Variants in HROB observed in about 807,000 individuals in gnomAD.
The protein encoded by HROB is homologous recombination factor with OB-fold, also known as homologous recombination OB-fold protein.
HROB carries 44 observed loss-of-function variants against 61.0 expected under a neutral mutation model. The observed-to-expected ratio is 0.72, with a 90% CI of 0.57 to 0.93. The LOEUF is 0.93. HROB is among the 40% of genes least tolerant of loss of function. The probability of loss-of-function intolerance (pLI) is 0.00; values close to 1 mark genes in which losing one functional copy is unlikely to be tolerated. For synonymous variants in HROB, 301 were observed against 310.4 expected, an observed-to-expected ratio of 0.97 and a Z score of 0.32; for missense variants, 716 against 796.2, an observed-to-expected ratio of 0.90 and a Z score of 1.21.
At chr17:44,151,836 GTTATTTTATT>G (rs879731423) in intron 4 of HROB, among the ~76,000 whole-genome samples, 35 of 148,078 alleles carry the variant, frequency 2.4e-4, no homozygotes, top group African/African-American at 5.8e-4. Context: ...GTTATTTTAT[GTTATTTTATT>G]TTATTTTATT....
intron 9 of HROB, among the ~76,000 whole-genome samples, chr17:44,161,643 A>G (rs968663434): frequency 1.3e-5 from 2 of 152,194 alleles, no homozygotes; most frequent in African/African-American, 4.8e-5. Context: ...AGAATGGCCC[A>G]GGGATTACGC....
intron 1 of HROB, among the ~76,000 whole-genome samples, chr17:44,142,736 A>G (rs930186910): frequency 6.6e-6 from 1 of 150,790 alleles, no homozygotes; most frequent in Non-Finnish European, 1.5e-5. Context: ...GGGGCATCCT[A>G]CTCTCCTGGG....
At chr17:44,150,104 G>A (rs918749394) in intron 3 of HROB, among the ~76,000 whole-genome samples, 1 of 152,194 alleles carries the variant, frequency 6.6e-6, no homozygotes, top group South Asian at 2.1e-4. Context: ...GGGCTGAAAA[G>A]GAGACAGCCC....
chr17:44,155,193 GAC>G, intron 7 of HROB, 91 bp from the exon 8 acceptor site: 1 of 1,555,176 alleles, frequency 6.4e-7, no homozygotes. Flanking sequence ...CTAGGCAGAG[GAC>G]ACCAAGTGAA....
intron 1 of HROB, among the ~76,000 whole-genome samples, chr17:44,144,741 C>CTT (rs5820524): frequency 1.6e-5 from 2 of 128,928 alleles, no homozygotes; most frequent in Admixed American, 7.7e-5. Flanking sequence ...ATACTTGGGT[C>CTT]TTTTTTTTTT....
chr17:44,144,521 C>G (rs1457696665), intron 1 of HROB, among the ~76,000 whole-genome samples: 1 of 152,020 alleles, frequency 6.6e-6, no homozygotes, highest in Non-Finnish European at 1.5e-5. Flanking sequence ...GGTGATTCAC[C>G]AGCTTTGGCC....
intron 7 of HROB, 84 bp downstream of exon 7, chr17:44,155,022 T>C: frequency 6.7e-7 from 1 of 1,483,478 alleles, no homozygotes; most frequent in East Asian, 2.4e-5. Flanking sequence ...TGCCTTCCTC[T>C]ACAACACCAG....
chr17:44,142,084 G>A lies in HROB; in HGVS notation c.-59G>A, dbSNP rs2143775866. The stretch of plus-strand genomic sequence containing the variant: ...CCTGGGTCGTGTCCAAGGCCCCGGC[G>A]ACTCCCCGGACTCGGGGTGCCGGGC... On this transcript the variant is annotated 5_prime_UTR_variant, in exon 1 of 10. Transcript: ENST00000585683. The A allele has an allele frequency of 6.5e-7, 1 of 1,530,148 alleles. No homozygotes were observed. Among genetic ancestry groups the A allele is most frequent in the Admixed American group, 2.0e-5 (1 of 50,676 alleles). The allele number at this position is 1,530,148 out of a possible 1,614,324, so 94.8% of individuals were successfully genotyped here.
Position 44,152,640 on chromosome 17 carries a change from G to A in HROB, c.1312G>A (p.Val438Ile). The change falls in exon 5 of 10, where the codon GTT becomes ATT. Residue 438 changes from valine to isoleucine, a missense_variant. By Grantham distance (29) the Val-to-Ile change is conservative. Coordinates refer to ENST00000585683, the MANE Select transcript of HROB (RefSeq NM_001171251.3). ...CCCCTCTGCTCTGTGGTACCAGATT[G>A]TTGCTAGTTCCCAGGCATCTGTGGA... is the stretch of plus-strand genomic sequence containing the variant. ...GALAKFQTEIVASSQASVEED... is the reference protein window; with the variant it reads ...GALAKFQTEIIASSQASVEED... 6.2e-7 allele frequency: 1 copy of A among 1,614,044 alleles called. No individual in the cohort carries two copies. Among genetic ancestry groups the A allele is most frequent in the Non-Finnish European group, 8.5e-7 (1 of 1,179,948 alleles).
rs1414909066 is a variant in HROB, at chr17:44,145,317, G to T, written c.54+64G>T. ...CTTAAAATGTAAACACTCAGGTTCAGAACATTTTGGATTAGCCTGTACCAG... is the reference window on the plus strand; with the variant it reads ...CTTAAAATGTAAACACTCAGGTTCATAACATTTTGGATTAGCCTGTACCAG... On this transcript the variant is annotated intron_variant, in intron 2 of 9. Transcript: ENST00000585683. 6.3e-6 allele frequency: 10 copies of T among 1,586,428 alleles called. 1 individual carries two copies. Among genetic ancestry groups the T allele is most frequent in the Middle Eastern group, 3.3e-4 (2 of 5,998 alleles).
Position 44,151,027 on chromosome 17 carries a change from G to A in HROB, c.1291G>A (p.Ala431Thr). ...APQTPTHGAL[A>T]KFQTEIVASS... is the part of the protein sequence containing the mutation. ...CCAAACTCCAACCCATGGTGCTCTG[G>A]CTAAATTCCAGACAGAGGTAACTTA... The change falls in exon 4 of 10, where the codon GCT becomes ACT. Residue 431 changes from alanine to threonine, a missense_variant. Ala to Thr is a moderately conservative substitution (Grantham distance 58). Coordinates refer to ENST00000585683, the MANE Select transcript of HROB (RefSeq NM_001171251.3). 6.2e-7 allele frequency: 1 copy of A among 1,612,728 alleles called. No homozygotes were observed. Among genetic ancestry groups the A allele is most frequent in the African/African-American group, 1.3e-5 (1 of 74,994 alleles).
rs2053923612 is a variant in HROB, at chr17:44,154,833, G to A, written c.1559-20G>A. On this transcript the variant is annotated intron_variant, in intron 6 of 9. Coordinates refer to ENST00000585683, the MANE Select transcript of HROB (RefSeq NM_001171251.3). ...TGCTGCCCTTGACCCCGAGACTGAT[G>A]GGCCATGTGGTATTTGCAGGAGAGA... 3 of 1,613,666 alleles carry A rather than the reference G, an allele frequency of 1.9e-6. No individual in the cohort carries two copies. The highest frequency in any genetic ancestry group is 4.5e-5 in the East Asian group (2 of 44,874).
chr17:44,143,763 G>A (rs2053529513), intron 1 of HROB, among the ~76,000 whole-genome samples: 2 of 152,104 alleles, frequency 1.3e-5, no homozygotes, highest in South Asian at 4.1e-4. Context: ...GCTGCAGTGA[G>A]CTATGATCTT....
At chr17:44,154,025 C>T (rs532681420) in intron 5 of HROB, among the ~76,000 whole-genome samples, 16 of 150,234 alleles carry the variant, frequency 1.1e-4, no homozygotes, top group African/African-American at 2.9e-4. Flanking sequence ...CCAGCCTGGG[C>T]GACAGAGCGA....
At chr17:44,144,457 G>T (rs1169837091) in intron 1 of HROB, among the ~76,000 whole-genome samples, 1 of 152,046 alleles carries the variant, frequency 6.6e-6, no homozygotes, top group East Asian at 1.9e-4. Flanking sequence ...TGTATTTTAA[G>T]TAGAGATGGG....
At chr17:44,144,536 A>G (rs1037341406) in intron 1 of HROB, among the ~76,000 whole-genome samples, 1 of 151,982 alleles carries the variant, frequency 6.6e-6, no homozygotes, top group South Asian at 2.1e-4. Flanking sequence ...TTGGCCTCCC[A>G]AAGTGTTGGG....
rs771236546 is a variant in HROB, at chr17:44,148,944, C to G, written c.1141C>G (p.Arg381Gly). 3.7e-6 allele frequency: 6 copies of G among 1,614,112 alleles called. No individual in the cohort carries two copies. Among genetic ancestry groups the G allele is most frequent in the Non-Finnish European group, 5.1e-6 (6 of 1,180,006 alleles). ...HLVQLVTAAS[R>G]TPQQPTHPST... ...GGTGCAGCTAGTCACTGCTGCCAGC[C>G]GGACACCCCAGCAGCCCACCCATCC... Residue 381 changes from arginine to glycine, a missense_variant, in exon 3 of 10, where the codon CGG becomes GGG. By Grantham distance (125) the Arg-to-Gly change is moderately radical. Transcript: ENST00000585683.
At chr17:44,159,593 A>G (rs2054071113) in intron 9 of HROB, among the ~76,000 whole-genome samples, 1 of 152,232 alleles carries the variant, frequency 6.6e-6, no homozygotes, top group Non-Finnish European at 1.5e-5. Flanking sequence ...ATGCGCTGCT[A>G]TTTATTGTAT....
At chr17:44,149,119 A>AGAAGGAAG in intron 3 of HROB, 92 bp downstream of exon 3, 1 of 1,289,320 alleles carries the variant, frequency 7.8e-7, no homozygotes, top group South Asian at 1.4e-5. Flanking sequence ...CCTCTTGCAG[A>AGAAGGAAG]GAAGGAAGGA....
Sources: gnomAD v4.1 joint callset for allele counts (sites outside exome capture counted in the v4.1 genomes callset) on GRCh38, gnomAD v4.1.1 for gene constraint, MANE v1.5 for transcripts, NCBI Gene and HGNC (gene_info 2026-07-23, HGNC 2026-07-21) for gene names.